Variants in ATG16L2 observed in about 807,000 individuals in gnomAD.
The protein encoded by ATG16L2 is autophagy related 16 like 2, also known as protein Atg16l2.
ATG16L2 carries 77 observed loss-of-function variants against 84.7 expected under a neutral mutation model. The observed-to-expected ratio is 0.91, with a 90% CI of 0.76 to 1.10. The LOEUF (loss-of-function observed/expected upper bound fraction) is 1.10, where lower values mean the gene tolerates loss of function less well. ATG16L2 is among the 50% of genes least tolerant of loss of function. The pLI is 0.00. For synonymous variants in ATG16L2, 361 were observed against 342.8 expected, an observed-to-expected ratio of 1.05 and a Z score of -0.59; for missense variants, 782 against 817.6, an observed-to-expected ratio of 0.96 and a Z score of 0.53.
chr11:72,828,683 G>A (rs1293987576), intron 15 of ATG16L2, 46 bp from the exon 16 acceptor site: 4 of 1,611,052 alleles, frequency 2.5e-6, no homozygotes, highest in Non-Finnish European at 3.4e-6. Context: ...AGAGGGCAGA[G>A]ACTAGTGATG....
Position 72,817,631 on chromosome 11 carries a change from G to T in ATG16L2, c.219-125G>T, listed in dbSNP as rs949010473. Reference sequence around the variant, plus strand: ...TGCCTTTTCCTTTACTGGCTTGCTGGCTTCCATCTTCCCAGGACGAAGTTA... The same window carrying T: ...TGCCTTTTCCTTTACTGGCTTGCTGTCTTCCATCTTCCCAGGACGAAGTTA... On this transcript the variant is annotated intron_variant, in intron 2 of 17. Transcript: ENST00000321297. 7.0e-6 allele frequency: 6 copies of T among 859,036 alleles called. 1 individual carries two copies. The highest frequency in any genetic ancestry group is 5.0e-5 in the African/African-American group (3 of 59,998). The allele number at this position is 859,036 out of a possible 1,614,324, so 53.2% of individuals were successfully genotyped here.
exon 6 of ATG16L2, chr11:72,843,232 C>T (rs1317887135): frequency 7.4e-6 from 12 of 1,613,984 alleles, no homozygotes; most frequent in Middle Eastern, 1.6e-4. Flanking sequence ...CTGTCCAAAG[C>T]GGCCAGGGAC....
intron 5 of ATG16L2, among the ~76,000 whole-genome samples, chr11:72,835,999 C>T (rs902400614): frequency 1.3e-5 from 2 of 152,210 alleles, no homozygotes; most frequent in Non-Finnish European, 2.9e-5. Flanking sequence ...CTGCCCGCCT[C>T]GGCCTCCCAA....
In ATG16L2 at chr11:72,822,844, CTAGGGGCCCGGACA is replaced by C; in HGVS notation, c.711-3_721del. ...GCCTTTCTGAACTTCATTACCTCTC[CTAGGGGCCCGGACA>C]CCCTAGGCGATGGGATGAGGGAGAG... On this transcript the variant is annotated splice_acceptor_variant and splice_polypyrimidine_tract_variant and coding_sequence_variant and intron_variant, in exon 7 of 18. Transcript: ENST00000321297. LOFTEE classifies it high-confidence loss of function. The surrounding 1 kb of genome is among the most constrained non-coding windows in gnomAD (Gnocchi z 4.2). 4.5e-6 allele frequency: 7 copies of C among 1,551,440 alleles called. No homozygotes were observed. Among genetic ancestry groups the C allele is most frequent in the Non-Finnish European group, 6.1e-6 (7 of 1,147,324 alleles).
downstream of ATG16L2, among the ~76,000 whole-genome samples, chr11:72,830,920 G>A (rs957354234): frequency 2.0e-5 from 3 of 152,186 alleles, no homozygotes; most frequent in Non-Finnish European, 4.4e-5. Flanking sequence ...GCATGCCACC[G>A]TGCCTGGCTA....
intron 3 of ATG16L2, chr11:72,818,637 C>T (rs1362737226): frequency 1.3e-5 from 2 of 152,226 alleles, no homozygotes; most frequent in African/African-American, 2.4e-5. Flanking sequence ...TAATCCTTCA[C>T]AACTTTATGG....
Position 72,822,129 on chromosome 11 carries a change from A to G in ATG16L2, c.478A>G (p.Asn160Asp), listed in dbSNP as rs1014015841. 4.6e-6 allele frequency: 7 copies of G among 1,509,424 alleles called. No homozygotes were observed. Among genetic ancestry groups the G allele is most frequent in the Non-Finnish European group, 5.3e-6 (6 of 1,137,992 alleles). 93.5% of individuals were successfully genotyped at this position (1,509,424 alleles called of 1,614,324 possible). A position where few individuals can be genotyped will look rare whatever the true frequency, so the allele number is the denominator to read the frequency against. ...AQQVEEWRAQ[N>D]AVQRAAYEAL... ...GCAGGTGGAGGAGTGGCGGGCGCAG[A>G]ATGCGGTGCAGCGGGCAGCCTACGA... is the stretch of plus-strand genomic sequence containing the variant. The change falls in exon 5 of 18, where the codon AAT (asparagine) becomes GAT (aspartate). Residue 160 changes from asparagine (N) to aspartate (D), a missense_variant. Asn to Asp is a conservative substitution (Grantham distance 23). Transcript: ENST00000321297. This position sits in a 1 kb window ranked among gnomAD's most constrained non-coding sequence, Gnocchi z 4.2.
chr11:72,828,699 T>C (rs931221020), intron 15 of ATG16L2, 30 bp from the exon 16 acceptor site: 1 of 1,613,792 alleles, frequency 6.2e-7, no homozygotes, highest in African/African-American at 1.3e-5. Flanking sequence ...TGATGACCTC[T>C]GTTCTGACCC....
rs548699072 is a variant in ATG16L2, at chr11:72,814,461, G to C, written c.16G>C (p.Val6Leu). ...GAGCGCGGCCATGGCGGGGCCGGGCGTCCCCGGTGCCCCCGCAGCGCGCTG... is the reference window on the plus strand; with the variant it reads ...GAGCGCGGCCATGGCGGGGCCGGGCCTCCCCGGTGCCCCCGCAGCGCGCTG... MAGPG[V>L]PGAPAARWKR... The change falls in exon 1 of 18, where the codon GTC becomes CTC. Residue 6 changes from valine (V) to leucine (L), a missense_variant. By Grantham distance (32) the Val-to-Leu change is conservative. Transcript: ENST00000321297. 2.7e-6 allele frequency: 4 copies of C among 1,506,732 alleles called. No individual in the cohort carries two copies. Among genetic ancestry groups the C allele is most frequent in the South Asian group, 1.2e-5 (1 of 80,764 alleles). 93.3% of individuals were successfully genotyped at this position (1,506,732 alleles called of 1,614,324 possible). A position where few individuals can be genotyped will look rare whatever the true frequency, so the allele number is the denominator to read the frequency against.
chr11:72,833,852 G>A (rs1228463552), downstream of ATG16L2, among the ~76,000 whole-genome samples: 1 of 152,046 alleles, frequency 6.6e-6, no homozygotes, highest in Non-Finnish European at 1.5e-5. Flanking sequence ...GAACCCAGGA[G>A]GCAGAGGTTG....
chr11:72,841,590 C>G, intron 5 of ATG16L2: 1 of 1,595,850 alleles, frequency 6.3e-7, no homozygotes, highest in Non-Finnish European at 8.5e-7. Context: ...AGATCTGCAG[C>G]AAAGGGAAGC....
Position 72,822,668 on chromosome 11 carries a change from C to A in ATG16L2, c.710+125C>A. The A allele has an allele frequency of 1.6e-6, 2 of 1,279,286 alleles. No homozygotes were observed. Among genetic ancestry groups the A allele is most frequent in the South Asian group, 1.4e-5 (1 of 73,660 alleles). 79.2% of individuals were successfully genotyped at this position (1,279,286 alleles called of 1,614,324 possible). A position where few individuals can be genotyped will look rare whatever the true frequency, so the allele number is the denominator to read the frequency against. Reference sequence around the variant, plus strand: ...TCCTGAGGCCCCCATGTGGTCGGAGCCCACGAGACACCTGCAGAGGACCGT... The same window carrying A: ...TCCTGAGGCCCCCATGTGGTCGGAGACCACGAGACACCTGCAGAGGACCGT... On this transcript the variant is annotated intron_variant, in intron 6 of 17. Transcript: ENST00000321297. The surrounding 1 kb of genome is among the most constrained non-coding windows in gnomAD (Gnocchi z 4.2).
At chr11:72,816,642 A>G in intron 1 of ATG16L2, 86 bp from the exon 2 acceptor site, 2 of 1,118,618 alleles carry the variant, frequency 1.8e-6, no homozygotes, top group South Asian at 1.3e-5. Context: ...GGGCTCCTTC[A>G]GCCCTTTTAG....
At chr11:72,826,291 C>A (rs1310790746) in intron 11 of ATG16L2, 48 bp downstream of exon 11, 2 of 1,589,488 alleles carry the variant, frequency 1.3e-6, no homozygotes, top group Non-Finnish European at 1.7e-6. Flanking sequence ...TCTCTGATCT[C>A]CACACTGGGC....
Position 72,821,748 on chromosome 11 carries a change from C to G in ATG16L2, c.392+7C>G, listed in dbSNP as rs1186115604. ...TGCAGCAGAGGCAAAGCAGGTGAGG[C>G]GCGGGCGGGGGCGGGAGGGACCGCG... On this transcript the variant is annotated splice_region_variant and intron_variant, in intron 4 of 17. Coordinates refer to ENST00000321297, the MANE Select transcript of ATG16L2 (RefSeq NM_033388.2). 2.0e-6 allele frequency: 3 copies of G among 1,531,872 alleles called. No individual in the cohort carries two copies. The highest frequency in any genetic ancestry group is 2.6e-6 in the Non-Finnish European group (3 of 1,143,060). 94.9% of individuals were successfully genotyped at this position (1,531,872 alleles called of 1,614,324 possible). A position where few individuals can be genotyped will look rare whatever the true frequency, so the allele number is the denominator to read the frequency against.
downstream of ATG16L2, chr11:72,829,705 C>A: frequency 9.9e-7 from 1 of 1,006,876 alleles, no homozygotes; most frequent in Non-Finnish European, 1.2e-6. Context: ...CTGGAAGATC[C>A]AGGCTTGGCC....
At chr11:72,823,749 G>A (rs965330916) in intron 7 of ATG16L2, 25 of 505,890 alleles carry the variant, frequency 4.9e-5, no homozygotes, top group Non-Finnish European at 8.5e-5. Context: ...AACCTTCAGC[G>A]TCTCTCCTCC....
At chr11:72,839,310 G>A (rs1472576460) in intron 5 of ATG16L2, among the ~76,000 whole-genome samples, 2 of 152,132 alleles carry the variant, frequency 1.3e-5, no homozygotes, top group African/African-American at 4.8e-5. Context: ...GCTTTAAGAA[G>A]AAAAAAATAA....
At chr11:72,826,416 C>T in intron 11 of ATG16L2, 102 bp from the exon 12 acceptor site, 1 of 1,514,478 alleles carries the variant, frequency 6.6e-7, no homozygotes, top group Non-Finnish European at 9.0e-7. Flanking sequence ...CCTTGGTGAC[C>T]TGGGCCGTGG....
Sources: gnomAD v4.1 joint callset for allele counts (sites outside exome capture counted in the v4.1 genomes callset) on GRCh38, gnomAD v4.1.1 for gene constraint, Gnocchi (gnomAD v3.1) non-coding constraint, MANE v1.5 for transcripts, NCBI Gene and HGNC (gene_info 2026-07-23, HGNC 2026-07-21) for gene names.